PRLR: variants seen among roughly 807,000 people sequenced by gnomAD.
PRLR encodes the protein prolactin receptor.
A neutral mutation model predicts 40.2 loss-of-function variants in PRLR; 13 were observed. That is an observed-to-expected ratio of 0.32 (90% CI 0.21 to 0.51). The LOEUF (loss-of-function observed/expected upper bound fraction) is 0.51, where lower values mean the gene tolerates loss of function less well. Among genes scored for constraint, PRLR ranks in the 20% least tolerant of loss-of-function variants. PRLR has a pLI of 0.97. For missense variants in PRLR, 656 were observed against 747.3 expected (o/e 0.88, Z 1.42); for synonymous variants, 269 against 278.7 (o/e 0.97, Z 0.35).
chr5:35,060,389 T>C lies in PRLR; in HGVS notation c.*4700A>G, dbSNP rs1345234288. The C allele has an allele frequency of 1.3e-5, 2 of 152,202 alleles. No homozygotes were observed. The highest frequency in any genetic ancestry group is 4.8e-5 in the African/African-American group (2 of 41,452). 9.4% of individuals were successfully genotyped at this position (152,202 alleles called of 1,614,324 possible). ...GAGTTGGAGGAACAGATCTCTGTTT[T>C]TCTCTGAAGCGTTGTCACACAATCT... is the stretch of plus-strand genomic sequence containing the variant. On this transcript the variant is annotated 3_prime_UTR_variant, in exon 10 of 10. Coordinates refer to ENST00000618457, the MANE Select transcript of PRLR (RefSeq NM_000949.7).
rs1282362316 is a variant in PRLR at position 35,079,643 on chromosome 5, T to A, written c.373+4827A>T. Reference sequence around the variant, plus strand: ...AATGGCCATACTGCCCAAGGTAATTTACAGATTCAAGCTACCAATGACTTT... The same window carrying A: ...AATGGCCATACTGCCCAAGGTAATTAACAGATTCAAGCTACCAATGACTTT... On this transcript the variant is annotated intron_variant, in intron 5 of 9. Coordinates refer to ENST00000618457, the MANE Select transcript of PRLR (RefSeq NM_000949.7). Among the ~76,000 whole-genome samples, 4 of 151,592 alleles carry A rather than the reference T, an allele frequency of 2.6e-5. No individual in the cohort carries two copies. In the East Asian group the frequency reaches 7.7e-4, roughly 29 times the overall value.
intron 1 of PRLR, among the ~76,000 whole-genome samples, chr5:35,172,549 G>A (rs1249991479): frequency 6.6e-6 from 1 of 152,192 alleles, no homozygotes; most frequent in Non-Finnish European, 1.5e-5. Context: ...GGTTGGCTCT[G>A]GAACCGTACA....
chr5:35,109,228 A>G, intron 2 of PRLR, among the ~76,000 whole-genome samples: 1 of 152,224 alleles, frequency 6.6e-6, no homozygotes, highest in East Asian at 1.9e-4. Flanking sequence ...AAGATGGATT[A>G]AAGACTTAAA....
chr5:35,195,405 C>CA (rs1415822435), intron 1 of PRLR: 5 of 152,288 alleles, frequency 3.3e-5, no homozygotes, highest in Non-Finnish European at 1.5e-5. Context: ...TCTTATTCAA[C>CA]ATGGCCCTGC....
chr5:35,108,622 CA>C (rs1772432655), intron 2 of PRLR, among the ~76,000 whole-genome samples: 1 of 152,106 alleles, frequency 6.6e-6, no homozygotes, highest in Non-Finnish European at 1.5e-5. Flanking sequence ...ACAATTGCTT[CA>C]AAGAGAATAA....
intron 6 of PRLR, among the ~76,000 whole-genome samples, chr5:35,071,113 T>C (rs1769721126): frequency 6.6e-6 from 1 of 152,184 alleles, no homozygotes; most frequent in African/African-American, 2.4e-5. Context: ...AAATACAATA[T>C]AGAGTACATA....
intron 1 of PRLR, among the ~76,000 whole-genome samples, chr5:35,193,507 A>G (rs1009430045): frequency 4.6e-5 from 7 of 152,182 alleles, no homozygotes; most frequent in Admixed American, 1.3e-4. Flanking sequence ...ATGTTGCACC[A>G]AGACACAGGT....
chr5:35,075,309 G>C (rs1005688774), intron 5 of PRLR, among the ~76,000 whole-genome samples: 2 of 152,180 alleles, frequency 1.3e-5, no homozygotes, highest in Non-Finnish European at 2.9e-5. Flanking sequence ...CATGACAGAT[G>C]GTACCTGGAA....
intron 1 of PRLR, among the ~76,000 whole-genome samples, chr5:35,154,988 G>A (rs1297617174): frequency 6.6e-6 from 1 of 151,676 alleles, no homozygotes; most frequent in Non-Finnish European, 1.5e-5. Context: ...AGCCTGTCAG[G>A]GGAGGGGGTT....
chr5:35,100,523 T>C (rs1020598684), intron 2 of PRLR, among the ~76,000 whole-genome samples: 9 of 152,204 alleles, frequency 5.9e-5, no homozygotes, highest in African/African-American at 1.7e-4. Flanking sequence ...TACCATTGTG[T>C]TACAATTGCA....
chr5:35,078,327 A>AGAAAGAAAAATGAAATACAT (rs1197422622), intron 5 of PRLR, among the ~76,000 whole-genome samples: 1 of 152,206 alleles, frequency 6.6e-6, no homozygotes, highest in Non-Finnish European at 1.5e-5. Context: ...AAAGAAGAAA[A>AGAAAGAAAAATGAAATACAT]GAAAGAAAAA....
intron 4 of PRLR, 80 bp downstream of exon 4, chr5:35,086,128 C>T: frequency 6.5e-7 from 1 of 1,541,932 alleles, no homozygotes; most frequent in Non-Finnish European, 8.9e-7. Flanking sequence ...GATGTGCTGT[C>T]ACTCAGAACC....
intron 2 of PRLR, among the ~76,000 whole-genome samples, chr5:35,096,489 T>C (rs1771542185): frequency 6.6e-6 from 1 of 152,244 alleles, no homozygotes; most frequent in Admixed American, 6.5e-5. Flanking sequence ...AATCAGTTAC[T>C]AACAATCAAA....
intron 2 of PRLR, among the ~76,000 whole-genome samples, chr5:35,099,189 T>C (rs1324779877): frequency 6.6e-6 from 1 of 152,152 alleles, no homozygotes; most frequent in Non-Finnish European, 1.5e-5. Flanking sequence ...GGTCAGGTGA[T>C]GAAGTGGTGG....
At chr5:35,184,532 GAAAC>G (rs772388090) in intron 1 of PRLR, among the ~76,000 whole-genome samples, 2 of 152,124 alleles carry the variant, frequency 1.3e-5, no homozygotes, top group South Asian at 4.2e-4. Flanking sequence ...ACAAAAGAAA[GAAAC>G]AAACAAAAAA....
chr5:35,141,683 A>G (rs1287810627), intron 1 of PRLR, among the ~76,000 whole-genome samples: 1 of 152,226 alleles, frequency 6.6e-6, no homozygotes, highest in Non-Finnish European at 1.5e-5. Context: ...CCAAATGTAA[A>G]TGATGAAACC....
At chr5:35,196,712 A>G (rs1432976335) in intron 1 of PRLR, among the ~76,000 whole-genome samples, 1 of 152,236 alleles carries the variant, frequency 6.6e-6, no homozygotes. Context: ...GGCTAGGTGA[A>G]GGCTAATCAA....
chr5:35,225,784 A>G (rs541692968), intron 1 of PRLR, among the ~76,000 whole-genome samples: 1 of 152,224 alleles, frequency 6.6e-6, no homozygotes, highest in African/African-American at 2.4e-5. Context: ...CGGGTTCAAG[A>G]GACTTTCCTG....
At chr5:35,083,808 G>A (rs756702412) in intron 5 of PRLR, among the ~76,000 whole-genome samples, 15 of 135,120 alleles carry the variant, frequency 1.1e-4, no homozygotes, top group Middle Eastern at 4.3e-3. Flanking sequence ...GTGAGGCACC[G>A]CGCCCAGCCT....
Sources: gnomAD v4.1 joint callset for allele counts (sites outside exome capture counted in the v4.1 genomes callset) on GRCh38, gnomAD v4.1.1 for gene constraint, MANE v1.5 for transcripts, NCBI Gene and HGNC (gene_info 2026-07-23, HGNC 2026-07-21) for gene names.